Variants in ENOX1 observed in about 807,000 individuals in gnomAD.
ENOX1 encodes ecto-NOX disulfide-thiol exchanger 1, also known as candidate growth-related and time keeping constitutive hydroquinone (NADH) oxidase.
Under a neutral mutation model 82.5 loss-of-function variants are expected in ENOX1, and 42 were observed. The observed-to-expected ratio is 0.51, with a 90% CI of 0.40 to 0.66. ENOX1 has a LOEUF of 0.66. Among genes scored for constraint, ENOX1 ranks in the 30% least tolerant of loss-of-function variants. The probability of loss-of-function intolerance (pLI) is 0.00; values close to 1 mark genes in which losing one functional copy is unlikely to be tolerated. For synonymous variants in ENOX1, 271 were observed against 282.2 expected, an observed-to-expected ratio of 0.96 and a Z score of 0.40; for missense variants, 608 against 811.6, an observed-to-expected ratio of 0.75 and a Z score of 3.05.
At position 43,470,319 on chromosome 13, in the gene ENOX1, C is replaced by T. The variant is rs544715877; in HGVS notation, c.-75+13690G>A. On this transcript the variant is annotated intron_variant, in intron 3 of 16. Coordinates refer to ENST00000690772, the MANE Select transcript of ENOX1 (RefSeq NM_001347969.2). ...ACACATATATATACATATATATACACATATATATATGTATATATATACGTA... is the reference window on the plus strand; with the variant it reads ...ACACATATATATACATATATATACATATATATATATGTATATATATACGTA... 3.6e-3 allele frequency among the ~76,000 whole-genome samples: 135 copies of T among 37,496 alleles called. 5 individuals are homozygous for T. The highest frequency in any genetic ancestry group is 5.4e-3 in the African/African-American group (67 of 12,408). 24.6% of individuals were successfully genotyped at this position (37,496 alleles called of 152,430 possible).
chr13:43,393,569 G>A (rs1412144638), intron 5 of ENOX1, among the ~76,000 whole-genome samples: 2 of 151,304 alleles, frequency 1.3e-5, no homozygotes, highest in East Asian at 4.0e-4. Flanking sequence ...ATGGATGGAT[G>A]GACTAACGAC....
At chr13:43,438,587 A>C (rs2056171941) in intron 3 of ENOX1, among the ~76,000 whole-genome samples, 2 of 152,224 alleles carry the variant, frequency 1.3e-5, no homozygotes, top group African/African-American at 4.8e-5. Context: ...AGAGCAATCA[A>C]ATGCTTCAAT....
chr13:43,727,586 C>T (rs985678818), intron 1 of ENOX1, among the ~76,000 whole-genome samples: 5 of 151,998 alleles, frequency 3.3e-5, no homozygotes, highest in East Asian at 3.9e-4. Context: ...GTTGGGGCCG[C>T]GGGTAGACAG....
Position 43,270,309 on chromosome 13 carries a change from T to C in ENOX1, c.1447-732A>G, listed in dbSNP as rs531418057. 3.5e-4 allele frequency among the ~76,000 whole-genome samples: 53 copies of C among 152,284 alleles called. No individual in the cohort carries two copies. In the South Asian group the frequency reaches 4.2e-3, roughly 12 times the overall value. On this transcript the variant is annotated intron_variant, in intron 12 of 16. Coordinates refer to ENST00000690772, the MANE Select transcript of ENOX1 (RefSeq NM_001347969.2). ...GTTAATATATACATAGGCTGGAGAATACATTCAAGAGCTGCAAAAAGGCCC... is the reference window on the plus strand; with the variant it reads ...GTTAATATATACATAGGCTGGAGAACACATTCAAGAGCTGCAAAAAGGCCC...
chr13:43,265,446 A>G lies in ENOX1; in HGVS notation c.1563T>C (p.Gly521=), dbSNP rs2044318011. 1 of 1,612,024 alleles carries G rather than the reference A, an allele frequency of 6.2e-7. No individual in the cohort carries two copies. Among genetic ancestry groups the G allele is most frequent in the African/African-American group, 1.3e-5 (1 of 74,886 alleles). ...CATTGGTCTCGACCAATTCCTTGGTACCTTTTAACTGCAAATTTTAAGGAA... is the reference window on the plus strand; with the variant it reads ...CATTGGTCTCGACCAATTCCTTGGTGCCTTTTAACTGCAAATTTTAAGGAA... The part of the protein sequence containing the change: ...LLKVLQEQLK[G]TKELVETNGH... The change falls in exon 14 of 17, where the codon GGT becomes GGC. Residue 521 remains glycine (G), a synonymous_variant. Coordinates refer to ENST00000690772, the MANE Select transcript of ENOX1 (RefSeq NM_001347969.2).
At chr13:43,652,729 G>C (rs2084250972) in intron 2 of ENOX1, among the ~76,000 whole-genome samples, 2 of 152,204 alleles carry the variant, frequency 1.3e-5, no homozygotes, top group African/African-American at 4.8e-5. Context: ...AAGATGACCT[G>C]ACTTTCATAG....
intron 11 of ENOX1, among the ~76,000 whole-genome samples, chr13:43,308,079 C>T (rs2046970043): frequency 6.6e-6 from 1 of 152,232 alleles, no homozygotes; most frequent in South Asian, 2.1e-4. Flanking sequence ...TGTCTATTCT[C>T]CTAGAGGTAG....
At chr13:43,221,521 A>T (rs1385796473) in intron 16 of ENOX1, among the ~76,000 whole-genome samples, 1 of 152,110 alleles carries the variant, frequency 6.6e-6, no homozygotes, top group Non-Finnish European at 1.5e-5. Flanking sequence ...GCTGCCCCCA[A>T]CCCGGACCCT....
chr13:43,439,981 T>TTA (rs1490286387), intron 3 of ENOX1, among the ~76,000 whole-genome samples: 3 of 152,186 alleles, frequency 2.0e-5, no homozygotes, highest in Non-Finnish European at 4.4e-5. Flanking sequence ...CAAAACATGT[T>TTA]TATATATATG....
At chr13:43,344,414 C>T (rs2049254761) in intron 9 of ENOX1, 124 bp downstream of exon 9, 1 of 766,390 alleles carries the variant, frequency 1.3e-6, no homozygotes, top group Admixed American at 2.8e-5. Flanking sequence ...ATGAAGTTTG[C>T]CATTCAATAT....
intron 5 of ENOX1, among the ~76,000 whole-genome samples, chr13:43,374,504 C>T (rs540192664): frequency 6.6e-6 from 1 of 152,248 alleles, no homozygotes; most frequent in Admixed American, 6.5e-5. Flanking sequence ...CCTCAGCCTC[C>T]CAAATGTTGG....
chr13:43,666,897 T>A (rs552699677), intron 2 of ENOX1, among the ~76,000 whole-genome samples: 1 of 152,132 alleles, frequency 6.6e-6, no homozygotes, highest in Non-Finnish European at 1.5e-5. Context: ...AAGAAAAAGA[T>A]AGCTCATATC....
intron 15 of ENOX1, among the ~76,000 whole-genome samples, chr13:43,231,415 T>G (rs1289623258): frequency 6.6e-6 from 1 of 152,222 alleles, no homozygotes; most frequent in Non-Finnish European, 1.5e-5. Context: ...TGCTTCTCAG[T>G]GCCTTGGGAT....
chr13:43,763,913 T>C (rs1322125252), intron 1 of ENOX1, among the ~76,000 whole-genome samples: 6 of 152,206 alleles, frequency 3.9e-5, no homozygotes, highest in Admixed American at 1.3e-4. Flanking sequence ...ACATGTATTA[T>C]CACAGATATA....
At chr13:43,323,168 C>T (rs2047912882) in intron 10 of ENOX1, among the ~76,000 whole-genome samples, 1 of 152,184 alleles carries the variant, frequency 6.6e-6, no homozygotes. Context: ...CACACACACA[C>T]CATTCAGATA....
intron 2 of ENOX1, among the ~76,000 whole-genome samples, chr13:43,655,513 T>C (rs1478382845): frequency 6.6e-6 from 1 of 152,222 alleles, no homozygotes; most frequent in Non-Finnish European, 1.5e-5. Context: ...CAGTCATTCT[T>C]AGCATGCACC....
rs192541110 is a variant in ENOX1, at chr13:43,643,653, A to G, written c.-219+23826T>C. ...TGTGTGTATATATATATATATACAC[A>G]CACATATATATATACATGCACATAC... On this transcript the variant is annotated intron_variant, in intron 2 of 16. Coordinates refer to ENST00000690772, the MANE Select transcript of ENOX1 (RefSeq NM_001347969.2). Among the ~76,000 whole-genome samples the G allele has an allele frequency of 6.1e-3, 925 of 151,662 alleles. 8 individuals are homozygous for G. Among genetic ancestry groups the G allele is most frequent in the African/African-American group, 0.022 (894 of 41,382 alleles).
intron 3 of ENOX1, among the ~76,000 whole-genome samples, chr13:43,433,539 G>C (rs1306464160): frequency 6.6e-6 from 1 of 151,954 alleles, no homozygotes; most frequent in East Asian, 1.9e-4. Flanking sequence ...TGCTCTAAAA[G>C]AATTGTCTTA....
At chr13:43,321,273 G>A (rs2047791234) in intron 11 of ENOX1, among the ~76,000 whole-genome samples, 1 of 152,178 alleles carries the variant, frequency 6.6e-6, no homozygotes, top group Non-Finnish European at 1.5e-5. Flanking sequence ...GGTCTTGGGT[G>A]GGGCCTGCTA....
Sources: gnomAD v4.1 joint callset for allele counts (sites outside exome capture counted in the v4.1 genomes callset) on GRCh38, gnomAD v4.1.1 for gene constraint, MANE v1.5 for transcripts, NCBI Gene and HGNC (gene_info 2026-07-23, HGNC 2026-07-21) for gene names.